HIRA: variants seen among roughly 807,000 people sequenced by gnomAD.
The protein encoded by HIRA is histone cell cycle regulator, also known as protein HIRA.
Under a neutral mutation model 126.6 loss-of-function variants are expected in HIRA, and 13 were observed. The ratio of observed to expected loss-of-function variants is 0.10; its 90% CI spans 0.07 to 0.16. The LOEUF (loss-of-function observed/expected upper bound fraction) is 0.16, where lower values mean the gene tolerates loss of function less well. Ranked by LOEUF, HIRA falls within the 10% of genes least tolerant of loss-of-function variation. HIRA has a pLI of 1.00. For synonymous variants in HIRA, 511 were observed against 520.0 expected (o/e 0.98, Z 0.24); for missense variants, 834 against 1,314.4 (o/e 0.63, Z 5.65).
chr22:19,426,894 T>G (rs897545839), intron 1 of HIRA, among the ~76,000 whole-genome samples: 27 of 152,194 alleles, frequency 1.8e-4, no homozygotes, highest in Non-Finnish European at 3.7e-4. Flanking sequence ...AATTACTGAC[T>G]TCATGAACAG....
chr22:19,387,921 C>A, intron 10 of HIRA, 105 bp from the exon 11 acceptor site: 1 of 337,666 alleles, frequency 3.0e-6, no homozygotes. Context: ...TAGGGAGATG[C>A]TGGAAACTCC....
intron 12 of HIRA, 48 bp downstream of exon 12, chr22:19,385,473 C>T (rs1243725473): frequency 1.3e-6 from 2 of 1,554,070 alleles, no homozygotes; most frequent in South Asian, 2.3e-5. Flanking sequence ...CTCACCCTGT[C>T]CCTGGGCATA....
At chr22:19,353,600 A>G (rs2088781059) in intron 22 of HIRA, 81 bp from the exon 23 acceptor site, 36 of 1,381,478 alleles carry the variant, frequency 2.6e-5, no homozygotes, top group Non-Finnish European at 3.2e-5. Flanking sequence ...GCAACAGGCA[A>G]GGAGCTGGCA....
rs2089238597 is a variant in HIRA, at chr22:19,398,182, A to G, written c.398-95T>C. On this transcript the variant is annotated intron_variant, in intron 5 of 24. Coordinates refer to ENST00000263208, the MANE Select transcript of HIRA (RefSeq NM_003325.4). Reference sequence around the variant, plus strand: ...TGCCCCTGGGACCTGGGACCATCATAACCACTCTGGTATTTTTTAACCAAC... The same window carrying G: ...TGCCCCTGGGACCTGGGACCATCATGACCACTCTGGTATTTTTTAACCAAC... The G allele has an allele frequency of 6.0e-6, 5 of 832,912 alleles. No individual in the cohort carries two copies. The East Asian group carries it at 8.1e-5, about 13-fold the overall frequency. The allele number at this position is 832,912 out of a possible 1,614,324, so 51.6% of individuals were successfully genotyped here.
intron 15 of HIRA, 38 bp downstream of exon 15, chr22:19,375,593 C>T (rs773505876): frequency 6.2e-7 from 1 of 1,608,824 alleles, no homozygotes; most frequent in Admixed American, 1.7e-5. Flanking sequence ...ATGCCTGCAC[C>T]CTGCCTGGTC....
At chr22:19,390,746 C>G (rs1472455130) in intron 9 of HIRA, among the ~76,000 whole-genome samples, 1 of 151,764 alleles carries the variant, frequency 6.6e-6, no homozygotes, top group African/African-American at 2.4e-5. Flanking sequence ...CGTCAGCTTT[C>G]TGTGTGTCTT....
intron 1 of HIRA, among the ~76,000 whole-genome samples, chr22:19,413,644 C>T (rs971008274): frequency 1.4e-5 from 2 of 147,318 alleles, no homozygotes; most frequent in Non-Finnish European, 3.0e-5. Context: ...CAGAGTTTCG[C>T]TCTGTCGCCC....
Position 19,385,577 on chromosome 22 carries a change from A to T in HIRA, c.1273T>A (p.Ser425Thr), listed in dbSNP as rs115157927. 102 of 1,614,186 alleles carry T rather than the reference A, an allele frequency of 6.3e-5. No homozygotes were observed. The African/African-American group carries it at 1.3e-3, about 20-fold the overall frequency. The change falls in exon 12 of 25, where the codon TCA (serine) becomes ACA (threonine). Residue 425 changes from serine (S) to threonine (T), a missense_variant. Physicochemically the swap from Ser to Thr is moderately conservative, Grantham distance 58 (BLOSUM62 1). Transcript: ENST00000263208. Reference sequence around the variant, plus strand: ...ACAACGCCTGCGACTGAGGTGGCTGAGCCCATCTCCCTGGTCGCAGCACTC... The same window carrying T: ...ACAACGCCTGCGACTGAGGTGGCTGTGCCCATCTCCCTGGTCGCAGCACTC... ...QKSAATREMG[S>T]ATSVAGVVNG...
In HIRA at chr22:19,371,225, C is replaced by T. The variant is rs1258938457; in HGVS notation, c.1775+4406G>A. 3.9e-5 allele frequency among the ~76,000 whole-genome samples: 6 copies of T among 152,168 alleles called. No individual in the cohort carries two copies. The East Asian group carries it at 1.2e-3, about 29-fold the overall frequency. On this transcript the variant is annotated intron_variant, in intron 15 of 24. Coordinates refer to ENST00000263208, the MANE Select transcript of HIRA (RefSeq NM_003325.4). The stretch of plus-strand genomic sequence containing the variant: ...CCTCTTAACTCCCTCTTGACAACTA[C>T]CCCGCAGCACATCCTCCTGGGGGGA...
rs2146187280 is a variant in HIRA at position 19,351,086 on chromosome 22, C to T, written c.2937+272G>A. The stretch of plus-strand genomic sequence containing the variant: ...CAGGGAAGTACCTTCCGTCTTTTGT[C>T]TTCACAACCAAGCCCAGAGCCCCTG... On this transcript the variant is annotated intron_variant, in intron 24 of 24. Coordinates refer to ENST00000263208, the MANE Select transcript of HIRA (RefSeq NM_003325.4). This position sits in a 1 kb window ranked among gnomAD's most constrained non-coding sequence, Gnocchi z 4.8. 1 of 982,346 alleles carries T rather than the reference C, an allele frequency of 1.0e-6. No homozygotes were observed. The highest frequency in any genetic ancestry group is 4.7e-5 in the South Asian group (1 of 21,218). The allele number at this position is 982,346 out of a possible 1,614,324, so 60.9% of individuals were successfully genotyped here.
chr22:19,364,243 C>T (rs1045257580), intron 15 of HIRA, among the ~76,000 whole-genome samples: 1 of 151,692 alleles, frequency 6.6e-6, no homozygotes, highest in African/African-American at 2.4e-5. Flanking sequence ...GTAAGCAAAG[C>T]AGGCATCAGA....
chr22:19,361,350 G>A lies in HIRA; in HGVS notation c.1981-9C>T. 1 of 1,611,848 alleles carries A rather than the reference G, an allele frequency of 6.2e-7. No individual in the cohort carries two copies. Among genetic ancestry groups the A allele is most frequent in the East Asian group, 2.2e-5 (1 of 44,876 alleles). On this transcript the variant is annotated splice_polypyrimidine_tract_variant and intron_variant, in intron 16 of 24. Coordinates refer to ENST00000263208, the MANE Select transcript of HIRA (RefSeq NM_003325.4). ...GTTAGGGCAGCTGGAGACTGGAAGA[G>A]CCAGAAACGTTCCTGAGCCTTGCTC...
rs1333359706 is a variant in HIRA at position 19,378,488 on chromosome 22, A to G, written c.1416-422T>C. Among the ~76,000 whole-genome samples, 5 of 152,378 alleles carry G rather than the reference A, an allele frequency of 3.3e-5. No individual in the cohort carries two copies. In the East Asian group the frequency reaches 9.6e-4, roughly 29 times the overall value. On this transcript the variant is annotated intron_variant, in intron 13 of 24. Transcript: ENST00000263208. ...ACCCAGCCTCTACTGAGGGACCACA[A>G]GACTGTCTCCAGCTTTTTCTAGAAC... is the stretch of plus-strand genomic sequence containing the variant.
chr22:19,379,083 A>G (rs191552645), intron 13 of HIRA, among the ~76,000 whole-genome samples: 1 of 150,978 alleles, frequency 6.6e-6, no homozygotes, highest in East Asian at 2.0e-4. Context: ...GCTGGAGTGC[A>G]GTGGCGCGAT....
At chr22:19,418,441 G>A (rs908726776) in intron 1 of HIRA, among the ~76,000 whole-genome samples, 2 of 151,740 alleles carry the variant, frequency 1.3e-5, no homozygotes, top group African/African-American at 2.4e-5. Context: ...TGACTAACAC[G>A]GTGAAACCCC....
At chr22:19,342,013 C>A (rs185374372) in intron 24 of HIRA, among the ~76,000 whole-genome samples, 25 of 152,298 alleles carry the variant, frequency 1.6e-4, no homozygotes, top group African/African-American at 6.0e-4. Flanking sequence ...AGTAAACAGA[C>A]AACCCACAGA....
intron 4 of HIRA, among the ~76,000 whole-genome samples, 187 bp downstream of exon 4, chr22:19,406,997 G>A (rs1469393938): frequency 6.6e-6 from 1 of 152,146 alleles, no homozygotes; most frequent in East Asian, 1.9e-4. Context: ...CCTGTGAGGG[G>A]GCAGCTGACC....
intron 13 of HIRA, among the ~76,000 whole-genome samples, chr22:19,382,608 C>T (rs943805195): frequency 2.6e-5 from 4 of 152,042 alleles, no homozygotes; most frequent in Admixed American, 2.6e-4. Context: ...TGGAATAGCT[C>T]GTGGATGGAC....
At chr22:19,416,478 G>A (rs979125967) in intron 1 of HIRA, among the ~76,000 whole-genome samples, 1 of 151,838 alleles carries the variant, frequency 6.6e-6, no homozygotes, top group Non-Finnish European at 1.5e-5. Flanking sequence ...GCACAACCAC[G>A]CCTGGTGCGC....
Sources: allele counts gnomAD v4.1 joint callset (sites outside exome capture counted in the v4.1 genomes callset), GRCh38; gene constraint gnomAD v4.1.1; non-coding constraint Gnocchi (gnomAD v3.1); transcripts MANE v1.5; gene names NCBI Gene and HGNC (gene_info 2026-07-23, HGNC 2026-07-21).